DOK6: variants seen among roughly 807,000 people sequenced by gnomAD.
The protein encoded by DOK6 is downstream of tyrosine kinase 6.
DOK6 carries 22 observed loss-of-function variants against 44.0 expected under a neutral mutation model. The ratio of observed to expected loss-of-function variants is 0.50; its 90% CI spans 0.36 to 0.71. The LOEUF is 0.71. Among genes scored for constraint, DOK6 ranks in the 30% least tolerant of loss-of-function variants. The pLI, the probability that DOK6 is intolerant of heterozygous loss-of-function variation, is 0.00. For synonymous variants in DOK6, 166 were observed against 145.5 expected (o/e 1.14, Z -1.01); for missense variants, 340 against 416.4 (o/e 0.82, Z 1.60).
At chr18:69,789,318 C>T (rs1483575142) in intron 7 of DOK6, among the ~76,000 whole-genome samples, 2 of 151,960 alleles carry the variant, frequency 1.3e-5, no homozygotes, top group South Asian at 2.1e-4. Context: ...TTTTATAGGA[C>T]CTTTTACTCT....
intron 6 of DOK6, among the ~76,000 whole-genome samples, chr18:69,744,102 G>C (rs1039161638): frequency 6.6e-6 from 1 of 152,118 alleles, no homozygotes; most frequent in Non-Finnish European, 1.5e-5. Flanking sequence ...CCTGAGGTCA[G>C]GAGTTCAAGA....
At chr18:69,682,882 G>T in intron 4 of DOK6, among the ~76,000 whole-genome samples, 1 of 152,082 alleles carries the variant, frequency 6.6e-6, no homozygotes. Flanking sequence ...CTCTAAATTA[G>T]CTTTCTCAAT....
chr18:69,449,500 A>G (rs1979394355), intron 1 of DOK6, among the ~76,000 whole-genome samples: 1 of 152,258 alleles, frequency 6.6e-6, no homozygotes, highest in South Asian at 2.1e-4. Context: ...CTACTAATTT[A>G]ATAGCAAAAC....
At chr18:69,835,714 G>A (rs1211679523) in intron 7 of DOK6, among the ~76,000 whole-genome samples, 1 of 152,108 alleles carries the variant, frequency 6.6e-6, no homozygotes, top group Non-Finnish European at 1.5e-5. Flanking sequence ...TTAATGCTTT[G>A]ACTCTGGGCT....
At chr18:69,543,614 T>C (rs1982325808) in intron 1 of DOK6, among the ~76,000 whole-genome samples, 1 of 151,502 alleles carries the variant, frequency 6.6e-6, no homozygotes, top group Admixed American at 6.6e-5. Context: ...CTCAAGTGTA[T>C]AATGTATGAG....
Position 69,520,857 on chromosome 18 carries a change from C to T in DOK6, c.67-43630C>T, listed in dbSNP as rs552729131. Among the ~76,000 whole-genome samples the T allele has an allele frequency of 6.7e-4, 101 of 151,858 alleles. No homozygotes were observed. The South Asian group carries it at 0.02, about 31-fold the overall frequency. On this transcript the variant is annotated intron_variant, in intron 1 of 7. Coordinates refer to ENST00000382713, the MANE Select transcript of DOK6 (RefSeq NM_152721.6). ...CTTTCAATTCAATTCAATTCAGTTC[C>T]GTTCACATCTATGAAATATTCTAGG...
At chr18:69,586,816 G>A (rs557744909) in intron 2 of DOK6, among the ~76,000 whole-genome samples, 27 of 152,262 alleles carry the variant, frequency 1.8e-4, no homozygotes, top group African/African-American at 6.3e-4. Flanking sequence ...GCTCTTGCCC[G>A]AATGGAACTT....
intron 1 of DOK6, among the ~76,000 whole-genome samples, chr18:69,482,990 G>T (rs1414172339): frequency 6.6e-6 from 1 of 151,634 alleles, no homozygotes; most frequent in African/African-American, 2.4e-5. Flanking sequence ...CATAACCCAG[G>T]TATTAAGCCT....
chr18:69,625,354 A>G (rs1488562403), intron 3 of DOK6, among the ~76,000 whole-genome samples: 3 of 152,160 alleles, frequency 2.0e-5, no homozygotes, highest in Non-Finnish European at 4.4e-5. Flanking sequence ...TGGTTTGCTT[A>G]GGTTCTCTGG....
intron 3 of DOK6, among the ~76,000 whole-genome samples, chr18:69,633,974 A>G (rs1301228797): frequency 1.3e-5 from 2 of 152,162 alleles, no homozygotes; most frequent in African/African-American, 4.8e-5. Flanking sequence ...TGAAAGTCTT[A>G]TAAGAAAACA....
rs7234089 is a variant in DOK6 at position 69,739,182 on chromosome 18, G to C, written c.738+79G>C. 3,429 of 1,565,500 alleles carry C rather than the reference G, an allele frequency of 2.2e-3. 63 individuals are homozygous for C. The African/African-American group carries it at 0.04, about 18-fold the overall frequency. On this transcript the variant is annotated intron_variant, in intron 6 of 7. Transcript: ENST00000382713. ...CTGATGTACACTGTGTATGTGTGGG[G>C]CCATTCATGTCAGCGCCTGGGTGTC...
At chr18:69,550,581 A>G (rs906136788) in intron 1 of DOK6, among the ~76,000 whole-genome samples, 5 of 152,156 alleles carry the variant, frequency 3.3e-5, no homozygotes, top group African/African-American at 9.7e-5. Flanking sequence ...CATATACATC[A>G]GTATCGGATG....
At chr18:69,742,181 G>A (rs147144410) in intron 6 of DOK6, among the ~76,000 whole-genome samples, 3,017 of 152,150 alleles carry the variant, frequency 0.02, 91 homozygotes, top group African/African-American at 0.068. Context: ...TTAGGAGGCC[G>A]AGGCAGGCAG....
chr18:69,795,517 AC>A (rs1344052517), intron 7 of DOK6, among the ~76,000 whole-genome samples: 2 of 152,160 alleles, frequency 1.3e-5, no homozygotes, highest in African/African-American at 4.8e-5. Context: ...AGACAGCATA[AC>A]CCAGTTGCCA....
At chr18:69,611,072 GTACC>G (rs1984127574) in intron 3 of DOK6, among the ~76,000 whole-genome samples, 1 of 139,838 alleles carries the variant, frequency 7.2e-6, no homozygotes, top group Admixed American at 7.6e-5. Flanking sequence ...TAATTTTTAT[GTACC>G]CATAAAAATT....
intron 5 of DOK6, among the ~76,000 whole-genome samples, chr18:69,712,300 A>T (rs1986779989): frequency 7.7e-6 from 1 of 129,800 alleles, no homozygotes; most frequent in African/African-American, 3.1e-5. Flanking sequence ...AAAAAAAAAA[A>T]AAAAAAAAAA....
chr18:69,570,538 T>C (rs552994897), intron 2 of DOK6, among the ~76,000 whole-genome samples: 3 of 152,206 alleles, frequency 2.0e-5, no homozygotes, highest in East Asian at 1.9e-4. Flanking sequence ...AGATAATGGC[T>C]GAAAAATTCC....
At chr18:69,569,058 C>A (rs957955097) in intron 2 of DOK6, among the ~76,000 whole-genome samples, 1 of 151,996 alleles carries the variant, frequency 6.6e-6, no homozygotes, top group Admixed American at 6.6e-5. Flanking sequence ...CCCCACAAAC[C>A]CCCTGGTCCA....
chr18:69,713,877 G>C (rs555932421), intron 5 of DOK6, among the ~76,000 whole-genome samples: 1 of 152,146 alleles, frequency 6.6e-6, no homozygotes, highest in Non-Finnish European at 1.5e-5. Flanking sequence ...GAATCACATA[G>C]GATTAAGCTC....
Sources: allele counts gnomAD v4.1 joint callset (sites outside exome capture counted in the v4.1 genomes callset), GRCh38; gene constraint gnomAD v4.1.1; transcripts MANE v1.5; gene names NCBI Gene and HGNC (gene_info 2026-07-23, HGNC 2026-07-21).